ZC3H3: variants seen among roughly 807,000 people sequenced by gnomAD.
ZC3H3 encodes the protein zinc finger CCCH domain-containing protein 3.
Under a neutral mutation model 77.3 loss-of-function variants are expected in ZC3H3, and 36 were observed. The ratio of observed to expected loss-of-function variants is 0.47; its 90% confidence interval spans 0.36 to 0.61. The LOEUF is 0.61. Among genes scored for constraint, ZC3H3 ranks in the 20% least tolerant of loss-of-function variants. The probability of loss-of-function intolerance (pLI) is 0.00; values close to 1 mark genes in which losing one functional copy is unlikely to be tolerated. For missense variants in ZC3H3, 1,331 were observed against 1,312.2 expected (o/e 1.01, Z -0.22); for synonymous variants, 626 against 555.2 (o/e 1.13, Z -1.79).
chr8:143,516,636 G>A (rs1014101858), intron 3 of ZC3H3, among the ~76,000 whole-genome samples: 3 of 151,714 alleles, frequency 2.0e-5, no homozygotes, highest in Admixed American at 6.6e-5. Flanking sequence ...CCCCAGCCCC[G>A]AGACAGGAGG....
rs1175078674 is a variant in ZC3H3 at position 143,530,563 on chromosome 8, G to A, written c.1561+5694C>T. ...CTGGCCCTCACTCCTGGCCTGGCCT[G>A]GAGTGTACAGCCTGGACAGCATCCC... On this transcript the variant is annotated intron_variant, in intron 3 of 11. Transcript: ENST00000262577. This position sits in a 1 kb window ranked among gnomAD's most constrained non-coding sequence, Gnocchi z 4.3. 6.6e-6 allele frequency among the ~76,000 whole-genome samples: 1 copy of A among 152,112 alleles called. No individual in the cohort carries two copies. Among genetic ancestry groups the A allele is most frequent in the Non-Finnish European group, 1.5e-5 (1 of 68,022 alleles).
rs933932749 is a variant in ZC3H3 at position 143,494,217 on chromosome 8, T to C, written c.1715+13529A>G. On this transcript the variant is annotated intron_variant, in intron 4 of 11. Transcript: ENST00000262577. This position sits in a 1 kb window ranked among gnomAD's most constrained non-coding sequence, Gnocchi z 5.3. ...CCCCACACAGAGGCCCAGAGCGCCC[T>C]GGACCCAGCTTCAACAGAGACTTCC... is the stretch of plus-strand genomic sequence containing the variant. Among the ~76,000 whole-genome samples, 6 of 152,192 alleles carry C rather than the reference T, an allele frequency of 3.9e-5. No homozygotes were observed. Among genetic ancestry groups the C allele is most frequent in the African/African-American group, 1.4e-4 (6 of 41,456 alleles).
intron 5 of ZC3H3, among the ~76,000 whole-genome samples, chr8:143,469,109 G>A (rs1451045803): frequency 6.6e-6 from 1 of 152,248 alleles, no homozygotes; most frequent in Non-Finnish European, 1.5e-5. Flanking sequence ...CCTGGGCCAA[G>A]GCAGTGACTG....
At chr8:143,523,433 T>C (rs564608155) in intron 3 of ZC3H3, 542 of 985,400 alleles carry the variant, frequency 5.5e-4, no homozygotes, top group Admixed American at 3.7e-3. Context: ...TGGAAGGTGA[T>C]CTCAGGGAGG....
In ZC3H3 at chr8:143,539,214, A is replaced by G; in HGVS notation, c.153T>C (p.Ser51=). The G allele has an allele frequency of 6.2e-7, 1 of 1,612,940 alleles. No homozygotes were observed. Among genetic ancestry groups the G allele is most frequent in the East Asian group, 2.2e-5 (1 of 44,880 alleles). The change falls in exon 2 of 12, where the codon AGT becomes AGC. Residue 51 remains serine (S), a synonymous_variant. Coordinates refer to ENST00000262577, the MANE Select transcript of ZC3H3 (RefSeq NM_015117.3). ...TCCGGCTTGGACGAGGGTAGCGGGCACTAAAGGCTCTGCCACTGTGGTAAG... is the reference window on the plus strand; with the variant it reads ...TCCGGCTTGGACGAGGGTAGCGGGCGCTAAAGGCTCTGCCACTGTGGTAAG... ...PPTYHSGRAF[S]ARYPRPSRRG...
intron 4 of ZC3H3, among the ~76,000 whole-genome samples, chr8:143,496,160 G>C (rs1447190978): frequency 6.6e-6 from 1 of 152,214 alleles, no homozygotes; most frequent in Non-Finnish European, 1.5e-5. Flanking sequence ...AACCAGCAGA[G>C]ATGGAGTGGA....
chr8:143,482,204 C>T (rs73715617), intron 4 of ZC3H3, among the ~76,000 whole-genome samples: 2,796 of 152,364 alleles, frequency 0.018, 79 homozygotes, highest in African/African-American at 0.063. Flanking sequence ...CACTGTGCTC[C>T]CTCCTGGCGC....
rs1489411529 is a variant in ZC3H3 at position 143,460,007 on chromosome 8, G to A, written c.2307+5710C>T. 6.6e-6 allele frequency among the ~76,000 whole-genome samples: 1 copy of A among 152,118 alleles called. No homozygotes were observed. On this transcript the variant is annotated intron_variant, in intron 9 of 11. Coordinates refer to ENST00000262577, the MANE Select transcript of ZC3H3 (RefSeq NM_015117.3). The surrounding 1 kb of genome is among the most constrained non-coding windows in gnomAD (Gnocchi z 4.0). ...CACACCTATAATCCCAGCACTTTGG[G>A]AGGCCAAGGCAGGCGGATCATCTGA...
At chr8:143,540,148 C>T (rs1167311129) in intron 1 of ZC3H3, among the ~76,000 whole-genome samples, 3 of 152,256 alleles carry the variant, frequency 2.0e-5, no homozygotes, top group Non-Finnish European at 4.4e-5. Context: ...CTTATCCATA[C>T]ACACTTTCCC....
At chr8:143,528,318 C>T (rs1822485974) in intron 3 of ZC3H3, among the ~76,000 whole-genome samples, 2 of 152,338 alleles carry the variant, frequency 1.3e-5, no homozygotes, top group African/African-American at 2.4e-5. Context: ...AGAAGCCAGG[C>T]GGCACTGCCG....
At chr8:143,485,140 G>A (rs960635577) in intron 4 of ZC3H3, among the ~76,000 whole-genome samples, 21 of 152,324 alleles carry the variant, frequency 1.4e-4, no homozygotes, top group Non-Finnish European at 2.5e-4. Flanking sequence ...CAGGGGCGCC[G>A]GGCCAACATG....
Position 143,524,960 on chromosome 8 carries a change from C to G in ZC3H3, c.1561+11297G>C, listed in dbSNP as rs538943391. Among the ~76,000 whole-genome samples the G allele has an allele frequency of 2.6e-5, 4 of 152,390 alleles. No individual in the cohort carries two copies. In the South Asian group the frequency reaches 8.3e-4, roughly 32 times the overall value. ...GGGCCCCAGGGCTGATCTCCGAGACCAGGGCTCTGTAATACACACTCGAGC... is the reference window on the plus strand; with the variant it reads ...GGGCCCCAGGGCTGATCTCCGAGACGAGGGCTCTGTAATACACACTCGAGC... On this transcript the variant is annotated intron_variant, in intron 3 of 11. Coordinates refer to ENST00000262577, the MANE Select transcript of ZC3H3 (RefSeq NM_015117.3).
At chr8:143,463,938 T>C (rs370712355) in intron 9 of ZC3H3, among the ~76,000 whole-genome samples, 10 of 152,390 alleles carry the variant, frequency 6.6e-5, no homozygotes, top group African/African-American at 2.4e-4. Context: ...GGAAAGGGAA[T>C]GTGGCTCTTT....
At chr8:143,531,926 G>A (rs1048132607) in intron 3 of ZC3H3, among the ~76,000 whole-genome samples, 7 of 152,320 alleles carry the variant, frequency 4.6e-5, no homozygotes, top group Admixed American at 2.6e-4. Context: ...GAAATGGCCC[G>A]GCTCTTAGCC....
intron 9 of ZC3H3, among the ~76,000 whole-genome samples, chr8:143,453,861 G>A (rs1268378196): frequency 6.6e-6 from 1 of 152,102 alleles, no homozygotes; most frequent in Non-Finnish European, 1.5e-5. Flanking sequence ...GGAAGGTAGG[G>A]TTTCCACACT....
At chr8:143,513,038 G>A (rs970370668) in intron 3 of ZC3H3, among the ~76,000 whole-genome samples, 1 of 152,188 alleles carries the variant, frequency 6.6e-6, no homozygotes, top group South Asian at 2.1e-4. Flanking sequence ...CCTGGGCAGG[G>A]GGTGCCCAGG....
chr8:143,526,569 CCAG>C (rs1822419817), intron 3 of ZC3H3, among the ~76,000 whole-genome samples: 1 of 152,192 alleles, frequency 6.6e-6, no homozygotes, highest in Non-Finnish European at 1.5e-5. Context: ...CTGACCACAC[CCAG>C]CTTTGCCACG....
At chr8:143,474,918 G>A (rs142183283) in intron 5 of ZC3H3, among the ~76,000 whole-genome samples, 348 of 152,356 alleles carry the variant, frequency 2.3e-3, no homozygotes, top group African/African-American at 7.4e-3. Context: ...TACGGGCGCC[G>A]CGGCCCCAGG....
At chr8:143,453,451 T>G (rs1348006237) in intron 9 of ZC3H3, among the ~76,000 whole-genome samples, 1 of 152,066 alleles carries the variant, frequency 6.6e-6, no homozygotes, top group Non-Finnish European at 1.5e-5. Flanking sequence ...CTAGACACCA[T>G]GGAGGACATA....
Sources: allele counts gnomAD v4.1 joint callset (sites outside exome capture counted in the v4.1 genomes callset), GRCh38; gene constraint gnomAD v4.1.1; non-coding constraint Gnocchi (gnomAD v3.1); transcripts MANE v1.5; gene names NCBI Gene and HGNC (gene_info 2026-07-23, HGNC 2026-07-21).